Variants in RBM20 observed in about 807,000 individuals in gnomAD.
The protein encoded by RBM20 is RNA binding motif protein 20.
In RBM20, 51 loss-of-function variants were observed where a neutral mutation model predicts 110.1. That is an observed-to-expected ratio of 0.46 (90% CI 0.37 to 0.59). The LOEUF (loss-of-function observed/expected upper bound fraction) is 0.59. Ranked by LOEUF, RBM20 falls within the 20% of genes least tolerant of loss-of-function variation. The pLI is 0.00. For synonymous variants in RBM20, 589 were observed against 618.2 expected (o/e 0.95, Z 0.70); for missense variants, 1,512 against 1,574.9 (o/e 0.96, Z 0.68).
At chr10:110,654,630 G>T (rs1187316144) in intron 1 of RBM20, among the ~76,000 whole-genome samples, 1 of 152,156 alleles carries the variant, frequency 6.6e-6, no homozygotes, top group Non-Finnish European at 1.5e-5. Flanking sequence ...GCTGGTCAGT[G>T]ACTAGCAGTT....
At chr10:110,673,048 G>A (rs1271269084) in intron 1 of RBM20, among the ~76,000 whole-genome samples, 1 of 151,870 alleles carries the variant, frequency 6.6e-6, no homozygotes, top group Non-Finnish European at 1.5e-5. Flanking sequence ...GAATATTTAG[G>A]TGTTTTTTTA....
chr10:110,739,996 C>T lies in RBM20; in HGVS notation c.192-40805C>T, dbSNP rs1022446762. Among the ~76,000 whole-genome samples, 2 of 152,254 alleles carry T rather than the reference C, an allele frequency of 1.3e-5. No individual in the cohort carries two copies. The highest frequency in any genetic ancestry group is 2.4e-5 in the African/African-American group (1 of 41,458). On this transcript the variant is annotated intron_variant, in intron 1 of 13. Coordinates refer to ENST00000369519, the MANE Select transcript of RBM20 (RefSeq NM_001134363.3). The surrounding 1 kb of genome is among the most constrained non-coding windows in gnomAD (Gnocchi z 4.1). ...CTCCAAGTGCCCAGACCTGCTCCAG[C>T]TGCCCCTGATACTCAGCAATGCAGA...
chr10:110,689,848 G>A (rs1170551202), intron 1 of RBM20, among the ~76,000 whole-genome samples: 2 of 152,196 alleles, frequency 1.3e-5, no homozygotes, highest in African/African-American at 4.8e-5. Flanking sequence ...AAATCAGAGA[G>A]GTAGAAGCCA....
Position 110,658,160 on chromosome 10 carries a change from C to T in RBM20, c.191+13515C>T, listed in dbSNP as rs529353993. Among the ~76,000 whole-genome samples, 3 of 152,288 alleles carry T rather than the reference C, an allele frequency of 2.0e-5. No individual in the cohort carries two copies. In the South Asian group the frequency reaches 6.2e-4, roughly 32 times the overall value. On this transcript the variant is annotated intron_variant, in intron 1 of 13. Coordinates refer to ENST00000369519, the MANE Select transcript of RBM20 (RefSeq NM_001134363.3). ...AAACTGAAAGAAACCCTAAAAATCA[C>T]CTGAGTCAGCTCTTTTATTTTACAG...
At chr10:110,674,303 C>T (rs1326513841) in intron 1 of RBM20, among the ~76,000 whole-genome samples, 1 of 152,208 alleles carries the variant, frequency 6.6e-6, no homozygotes, top group Non-Finnish European at 1.5e-5. Flanking sequence ...TTCACATATT[C>T]TGCACCTGGC....
intron 10 of RBM20, 108 bp downstream of exon 10, chr10:110,820,284 C>CATT: frequency 1.5e-6 from 1 of 684,940 alleles, no homozygotes; most frequent in South Asian, 1.9e-5. Context: ...GAGACCCCAC[C>CATT]ATTAGTTCCA....
At chr10:110,768,092 T>C (rs2135017796) in intron 1 of RBM20, among the ~76,000 whole-genome samples, 1 of 152,252 alleles carries the variant, frequency 6.6e-6, no homozygotes, top group East Asian at 1.9e-4. Context: ...CAGTCAGGCG[T>C]GGCGGCGCGC....
intron 1 of RBM20, among the ~76,000 whole-genome samples, chr10:110,645,903 A>ATAG (rs10692278): frequency 1.3e-5 from 2 of 152,144 alleles, no homozygotes; most frequent in Non-Finnish European, 2.9e-5. Context: ...AAAATATTTC[A>ATAG]TATTATTCTT....
chr10:110,687,270 A>G (rs969020208), intron 1 of RBM20, among the ~76,000 whole-genome samples: 11 of 151,962 alleles, frequency 7.2e-5, no homozygotes, highest in African/African-American at 2.7e-4. Context: ...CATCCTTAAA[A>G]TGTCATAGCT....
At position 110,743,479 on chromosome 10, in the gene RBM20, A is replaced by G. The variant is rs375929502; in HGVS notation, c.192-37322A>G. ...GTTAATTACTAGGTTTTAATGGTCA[A>G]CTTTAGTCCAAAGCTTCTCCCTCTT... On this transcript the variant is annotated intron_variant, in intron 1 of 13. Transcript: ENST00000369519. Among the ~76,000 whole-genome samples the G allele has an allele frequency of 5.3e-5, 8 of 152,282 alleles. No individual in the cohort carries two copies. In the East Asian group the frequency reaches 9.6e-4, roughly 18 times the overall value.
chr10:110,810,691 T>G (rs916346693), intron 8 of RBM20, among the ~76,000 whole-genome samples: 1 of 152,198 alleles, frequency 6.6e-6, no homozygotes, highest in African/African-American at 2.4e-5. Flanking sequence ...GAGCTTCCCT[T>G]CAGCTCCTCA....
At chr10:110,810,824 CGTGTGTGT>C (rs1023537902) in intron 8 of RBM20, among the ~76,000 whole-genome samples, 80 of 142,160 alleles carry the variant, frequency 5.6e-4, no homozygotes, top group African/African-American at 2.0e-3. Context: ...TGCGTGTGTG[CGTGTGTGT>C]GTGCATGTGT....
At chr10:110,732,617 C>G (rs898083715) in intron 1 of RBM20, among the ~76,000 whole-genome samples, 1 of 152,208 alleles carries the variant, frequency 6.6e-6, no homozygotes, top group African/African-American at 2.4e-5. Context: ...CAGGGGCCTT[C>G]TGGGTTAAGT....
At chr10:110,820,199 C>T (rs1203657214) in intron 10 of RBM20, 23 bp downstream of exon 10, 1 of 1,493,604 alleles carries the variant, frequency 6.7e-7, no homozygotes, top group South Asian at 1.2e-5. Context: ...TCAGATTCTG[C>T]ACTTCTGCCA....
Position 110,812,292 on chromosome 10 carries a change from G to A in RBM20, c.1895G>A (p.Arg632Lys), listed in dbSNP as rs1590695609. 6.5e-7 allele frequency: 1 copy of A among 1,545,882 alleles called. No individual in the cohort carries two copies. Among genetic ancestry groups the A allele is most frequent in the Non-Finnish European group, 8.7e-7 (1 of 1,143,502 alleles). ...FREADRYGPE[R>K]PRSRSPVSRS... ...CTCCCTCACAGATATGGCCCAGAAA[G>A]GCCGCGGTCTCGTAGTCCGGTGAGC... Residue 632 changes from arginine (R) to lysine (K), a missense_variant, in exon 9 of 14, where the codon AGG becomes AAG. Arg to Lys is a conservative substitution (Grantham distance 26). Coordinates refer to ENST00000369519, the MANE Select transcript of RBM20 (RefSeq NM_001134363.3).
intron 1 of RBM20, among the ~76,000 whole-genome samples, chr10:110,703,387 A>AAAAG (rs200324429): frequency 1.1e-4 from 16 of 151,790 alleles, no homozygotes; most frequent in South Asian, 4.2e-4. Context: ...TCAAAAAAAA[A>AAAAG]AAAGAAAGAA....
intron 1 of RBM20, among the ~76,000 whole-genome samples, chr10:110,747,603 CTT>C (rs1843798019): frequency 6.6e-6 from 1 of 152,200 alleles, no homozygotes; most frequent in Non-Finnish European, 1.5e-5. Flanking sequence ...CAGGAAGACA[CTT>C]TTATTTCCAT....
intron 1 of RBM20, among the ~76,000 whole-genome samples, chr10:110,740,146 G>A (rs1019246753): frequency 3.3e-5 from 5 of 152,252 alleles, no homozygotes; most frequent in African/African-American, 4.8e-5. Flanking sequence ...AGGGTAGCTC[G>A]CCCCAGAGTT....
intron 1 of RBM20, among the ~76,000 whole-genome samples, chr10:110,700,325 G>A (rs1228607363): frequency 1.3e-5 from 2 of 152,172 alleles, no homozygotes; most frequent in East Asian, 1.9e-4. Context: ...TAGATAATAG[G>A]ATACAGAGAC....
Sources: gnomAD v4.1 joint callset for allele counts (sites outside exome capture counted in the v4.1 genomes callset) on GRCh38, gnomAD v4.1.1 for gene constraint, Gnocchi (gnomAD v3.1) non-coding constraint, MANE v1.5 for transcripts, NCBI Gene and HGNC (gene_info 2026-07-23, HGNC 2026-07-21) for gene names.